The following GRIP1 variants were observed in gnomAD, a reference collection of about 807,000 sequenced individuals.
The protein encoded by GRIP1 is glutamate receptor interacting protein 1.
Under a neutral mutation model 129.9 loss-of-function variants are expected in GRIP1, and 45 were observed. The ratio of observed to expected loss-of-function variants is 0.35; its 90% CI spans 0.27 to 0.44. The LOEUF (loss-of-function observed/expected upper bound fraction) is 0.44. GRIP1 is among the 20% of genes least tolerant of loss of function. GRIP1 has a pLI of 1.00. For missense variants in GRIP1, 1,196 were observed against 1,396.8 expected (o/e 0.86, Z 2.29); for synonymous variants, 530 against 520.8 (o/e 1.02, Z -0.24).
intron 1 of GRIP1, among the ~76,000 whole-genome samples, chr12:66,665,546 C>A (rs1375633691): frequency 6.6e-6 from 1 of 152,154 alleles, no homozygotes; most frequent in African/African-American, 2.4e-5. Flanking sequence ...TAAATGATAT[C>A]ATACACATTT....
upstream of GRIP1, among the ~76,000 whole-genome samples, chr12:66,679,339 G>A: frequency 1.3e-5 from 2 of 150,328 alleles, 1 homozygote; most frequent in Non-Finnish European, 2.9e-5. Flanking sequence ...CATCAAGTCA[G>A]TGTCCTTTAT....
intron 7 of GRIP1, among the ~76,000 whole-genome samples, chr12:66,493,646 G>C (rs1229569592): frequency 6.7e-6 from 1 of 149,518 alleles, no homozygotes; most frequent in Non-Finnish European, 1.5e-5. Flanking sequence ...TGGATAACTT[G>C]ATCTATGGAA....
At chr12:66,906,760 AG>A (rs1177166140) in intron 1 of GRIP1, among the ~76,000 whole-genome samples, 1 of 152,226 alleles carries the variant, frequency 6.6e-6, no homozygotes, top group African/African-American at 2.4e-5. Flanking sequence ...GGACACCATC[AG>A]GGGCTAGAAA....
intron 2 of GRIP1, among the ~76,000 whole-genome samples, chr12:66,551,571 C>CT (rs10719369): frequency 0.33 from 37,275 of 114,452 alleles, 6,674 homozygotes; most frequent in Non-Finnish European, 0.38. Context: ...GGCTAGAATC[C>CT]TTTTTTTTTT....
intron 1 of GRIP1, among the ~76,000 whole-genome samples, chr12:66,864,377 A>G (rs1355290698): frequency 6.6e-6 from 1 of 152,080 alleles, no homozygotes; most frequent in East Asian, 1.9e-4. Flanking sequence ...GTCGACAAAG[A>G]TCAGTCATCA....
intron 7 of GRIP1, among the ~76,000 whole-genome samples, chr12:66,499,330 A>C (rs2060323594): frequency 6.6e-6 from 1 of 152,218 alleles, no homozygotes; most frequent in African/African-American, 2.4e-5. Context: ...CATGAGGATA[A>C]AATATGATGA....
intron 1 of GRIP1, among the ~76,000 whole-genome samples, chr12:67,021,371 A>G (rs809574): frequency 0.15 from 23,286 of 152,198 alleles, 2,267 homozygotes; most frequent in East Asian, 0.33. Context: ...TCATGCAGTA[A>G]ACATTCTTTT....
At chr12:66,889,866 A>G (rs2040627840) in intron 1 of GRIP1, among the ~76,000 whole-genome samples, 1 of 152,294 alleles carries the variant, frequency 6.6e-6, no homozygotes, top group African/African-American at 2.4e-5. Flanking sequence ...ACTATTTTAC[A>G]TATATGGCCT....
intron 15 of GRIP1, among the ~76,000 whole-genome samples, chr12:66,418,855 T>C (rs2057703648): frequency 6.6e-6 from 1 of 152,102 alleles, no homozygotes; most frequent in Admixed American, 6.5e-5. Context: ...GGAATGTAAA[T>C]TAGTACAAGC....
intron 12 of GRIP1, 59 bp from the exon 13 acceptor site, chr12:66,444,788 T>A: frequency 6.4e-7 from 1 of 1,569,184 alleles, no homozygotes; most frequent in Non-Finnish European, 8.8e-7. Flanking sequence ...CAAGCTGAGC[T>A]TGCCAAATCT....
At chr12:66,767,098 ATTTC>A (rs201624795) in intron 1 of GRIP1, among the ~76,000 whole-genome samples, 4,686 of 152,270 alleles carry the variant, frequency 0.031, 90 homozygotes, top group Middle Eastern at 0.068. Flanking sequence ...TTCTGGATTA[ATTTC>A]TTTAATTTTG....
Position 66,451,068 on chromosome 12 carries a change from G to A in GRIP1, c.1354+4341C>T, listed in dbSNP as rs11176190. On this transcript the variant is annotated intron_variant, in intron 11 of 24. Transcript: ENST00000359742. ...TACTCCTCAAGGTGAAGATGGAAAT[G>A]ACTAAATTGCTGACATCCTAACTGG... Among the ~76,000 whole-genome samples, 1,354 of 152,250 alleles carry A rather than the reference G, an allele frequency of 8.9e-3. 37 individuals are homozygous for A. In the East Asian group the frequency reaches 0.094, roughly 11 times the overall value.
chr12:66,487,264 C>T (rs1023800122), intron 7 of GRIP1, among the ~76,000 whole-genome samples: 13 of 152,120 alleles, frequency 8.5e-5, no homozygotes, highest in Non-Finnish European at 1.9e-4. Context: ...AAACGCCCAT[C>T]AGACTAACTG....
At chr12:66,584,123 C>T (rs1218798649) in intron 2 of GRIP1, among the ~76,000 whole-genome samples, 3 of 149,524 alleles carry the variant, frequency 2.0e-5, no homozygotes, top group Admixed American at 6.7e-5. Context: ...ATGGATGAAA[C>T]TGGAAATCAT....
intron 1 of GRIP1, among the ~76,000 whole-genome samples, chr12:67,016,098 G>C (rs2042781843): frequency 6.6e-6 from 1 of 152,176 alleles, no homozygotes. Flanking sequence ...AGTAGTTTTA[G>C]CTGTCTATAT....
intron 2 of GRIP1, among the ~76,000 whole-genome samples, chr12:66,592,659 T>C (rs1397794736): frequency 1.3e-5 from 2 of 152,220 alleles, no homozygotes; most frequent in Non-Finnish European, 1.5e-5. Flanking sequence ...ATACTAACTC[T>C]AGGCTTTGAG....
chr12:66,576,795 T>A (rs905734774), intron 2 of GRIP1, among the ~76,000 whole-genome samples: 1 of 152,152 alleles, frequency 6.6e-6, no homozygotes, highest in African/African-American at 2.4e-5. Context: ...GAATGGAGAG[T>A]ACAGAGTTGC....
upstream of GRIP1, among the ~76,000 whole-genome samples, chr12:66,683,030 T>G (rs772177730): frequency 3.3e-5 from 5 of 152,102 alleles, 1 homozygote; most frequent in Non-Finnish European, 7.4e-5. Context: ...TGGCTAGTAT[T>G]GAATATACTG....
chr12:67,067,066 C>G (rs138356547), intron 1 of GRIP1, among the ~76,000 whole-genome samples: 59 of 151,892 alleles, frequency 3.9e-4, no homozygotes, highest in African/African-American at 1.3e-3. Flanking sequence ...AAAAGCATCT[C>G]TTAATTAAAG....
Sources: allele counts gnomAD v4.1 joint callset (sites outside exome capture counted in the v4.1 genomes callset), GRCh38; gene constraint gnomAD v4.1.1; transcripts MANE v1.5; gene names NCBI Gene and HGNC (gene_info 2026-07-23, HGNC 2026-07-21).